The following CCNK variants were observed in gnomAD, a reference collection of about 807,000 sequenced individuals.
The protein encoded by CCNK is cyclin K, also known as cyclin-K.
A neutral mutation model predicts 65.0 loss-of-function variants in CCNK; 9 were observed. The ratio of observed to expected loss-of-function variants is 0.14; its 90% CI spans 0.08 to 0.24. CCNK has a LOEUF of 0.24. Among genes scored for constraint, CCNK ranks in the 10% least tolerant of loss-of-function variants. The pLI is 1.00. For missense variants in CCNK, 474 were observed against 720.0 expected, an observed-to-expected ratio of 0.66 and a Z score of 3.91; for synonymous variants, 279 against 270.8, an observed-to-expected ratio of 1.03 and a Z score of -0.30.
rs746022344 is a variant in CCNK at position 99,501,368 on chromosome 14, A to G, written c.530A>G (p.Lys177Arg). Residue 177 changes from lysine (K) to arginine (R), a missense_variant, in exon 6 of 11, where the codon AAA becomes AGA. Physicochemically the swap from Lys to Arg is conservative, Grantham distance 26. Around this residue, in one of 6 missense-constraint regions of CCNK, gnomAD observed 67 missense variants for 150.2 expected, o/e 0.45. Transcript: ENST00000389879. ...YAKQLKGDKN[K>R]IQKLVQMAWT... ...TCCCCATTTCTAGGTGATAAAAACAAAATTCAAAAGTTGGTTCAAATGGCA... is the reference window on the plus strand; with the variant it reads ...TCCCCATTTCTAGGTGATAAAAACAGAATTCAAAAGTTGGTTCAAATGGCA... The G allele has an allele frequency of 1.6e-5, 25 of 1,605,546 alleles. No homozygotes were observed. Among genetic ancestry groups the G allele is most frequent in the Non-Finnish European group, 2.1e-5 (25 of 1,174,042 alleles).
chr14:99,483,286 C>T (rs971503384), intron 1 of CCNK, among the ~76,000 whole-genome samples: 5 of 152,012 alleles, frequency 3.3e-5, no homozygotes, highest in African/African-American at 1.2e-4. Context: ...TGGTGGCTCA[C>T]GCTTATAATA....
At chr14:99,487,734 G>C (rs780717564) in intron 1 of CCNK, among the ~76,000 whole-genome samples, 1 of 152,188 alleles carries the variant, frequency 6.6e-6, no homozygotes, top group Non-Finnish European at 1.5e-5. Flanking sequence ...TGTTGGTACT[G>C]TTCTCTTTCT....
At position 99,510,324 on chromosome 14, in the gene CCNK, A is replaced by G; in HGVS notation, c.1285A>G (p.Met429Val). 1 of 1,056,796 alleles carries G rather than the reference A, an allele frequency of 9.5e-7. No homozygotes were observed. The highest frequency in any genetic ancestry group is 1.3e-6 in the Non-Finnish European group (1 of 775,546). The allele number at this position is 1,056,796 out of a possible 1,614,324, so 65.5% of individuals were successfully genotyped here. ...CCCGCCCCCACCCCCCTCCAGCTAC[A>G]TGACCGGGATGTCCACCACCAGCTC... ...RPPPPPPSSY[M>V]TGMSTTSSYM... Residue 429 changes from methionine (M) to valine (V), a missense_variant, in exon 11 of 11, where the codon ATG (methionine) becomes GTG (valine). This residue lies in a region of CCNK where 229 missense variants were observed against 275.5 expected (regional missense o/e 0.83). Transcript: ENST00000389879.
Position 99,510,975 on chromosome 14 carries a change from G to A in CCNK, c.*193G>A. On this transcript the variant is annotated 3_prime_UTR_variant, in exon 11 of 11. Coordinates refer to ENST00000389879, the MANE Select transcript of CCNK (RefSeq NM_001099402.2). ...AGGACGGGGACAACCAGCTTTCAGA[G>A]TAGCCTCATCAGTGCCCTTGCAGTC... 2.3e-6 allele frequency: 1 copy of A among 429,914 alleles called. No individual in the cohort carries two copies. The highest frequency in any genetic ancestry group is 3.7e-5 in the East Asian group (1 of 27,236). The allele number at this position is 429,914 out of a possible 1,614,324, so 26.6% of individuals were successfully genotyped here. A position where few individuals can be genotyped will look rare whatever the true frequency, so the allele number is the denominator to read the frequency against.
chr14:99,500,828 A>C lies in CCNK; in HGVS notation c.474A>C (p.Glu158Asp). ...LQTIKFDLQV[E>D]HPYQFLLKYA... ...CCATCAAGTTTGATTTACAGGTAGA[A>C]CATCCATACCAGTTCCTACTAAAAT... The change falls in exon 5 of 11, where the codon GAA becomes GAC. Residue 158 changes from glutamate (E) to aspartate (D), a missense_variant. Glu to Asp is a conservative substitution (Grantham distance 45, BLOSUM62 2). This residue lies in a region of CCNK where 67 missense variants were observed against 150.2 expected (regional missense o/e 0.45). Coordinates refer to ENST00000389879, the MANE Select transcript of CCNK (RefSeq NM_001099402.2). The C allele has an allele frequency of 6.4e-7, 1 of 1,566,002 alleles. No individual in the cohort carries two copies. The highest frequency in any genetic ancestry group is 8.7e-7 in the Non-Finnish European group (1 of 1,153,680).
At chr14:99,502,668 T>C in intron 7 of CCNK, 51 bp from the exon 8 acceptor site, 1 of 1,561,434 alleles carries the variant, frequency 6.4e-7, no homozygotes, top group Non-Finnish European at 8.8e-7. Flanking sequence ...CAGGTAAAAT[T>C]TTATTTAAAA....
At chr14:99,493,426 G>C in intron 2 of CCNK, 88 bp from the exon 3 acceptor site, 1 of 745,672 alleles carries the variant, frequency 1.3e-6, no homozygotes, top group Non-Finnish European at 2.2e-6. Context: ...TGATTTTGTT[G>C]TTGTTGTTTG....
chr14:99,496,506 C>G (rs1487511756), intron 4 of CCNK, among the ~76,000 whole-genome samples: 3 of 151,498 alleles, frequency 2.0e-5, no homozygotes, highest in Non-Finnish European at 2.9e-5. Flanking sequence ...GTCAGGAGAT[C>G]GAGACCATCC....
intron 10 of CCNK, chr14:99,507,384 C>T: frequency 3.9e-6 from 2 of 512,338 alleles, no homozygotes; most frequent in Non-Finnish European, 7.1e-6. Context: ...CGAGGTCAGC[C>T]TGGGCAACAA....
chr14:99,486,190 T>G (rs916223503), intron 1 of CCNK, among the ~76,000 whole-genome samples: 8 of 152,218 alleles, frequency 5.3e-5, no homozygotes, highest in Non-Finnish European at 2.9e-5. Flanking sequence ...CTACCATCTC[T>G]GGTTTAAAGC....
At position 99,489,302 on chromosome 14, in the gene CCNK, A is replaced by G. The variant is rs374224514; in HGVS notation, c.-52-3324A>G. Among the ~76,000 whole-genome samples, 7 of 152,142 alleles carry G rather than the reference A, an allele frequency of 4.6e-5. No homozygotes were observed. In the East Asian group the frequency reaches 1.3e-3, roughly 29 times the overall value. On this transcript the variant is annotated intron_variant, in intron 1 of 10. Transcript: ENST00000389879. The stretch of plus-strand genomic sequence containing the variant: ...TTACATATTTGCTTTATTCCACAAC[A>G]TGCAAAAAAAAATGTGTTTGAAAAT...
At chr14:99,493,269 G>A (rs1023325652) in intron 2 of CCNK, among the ~76,000 whole-genome samples, 3 of 151,332 alleles carry the variant, frequency 2.0e-5, no homozygotes, top group Admixed American at 6.6e-5. Flanking sequence ...CAGAGATGCT[G>A]TCTCAAAAAA....
intron 3 of CCNK, chr14:99,493,854 C>T: frequency 3.4e-6 from 1 of 298,164 alleles, no homozygotes; most frequent in Non-Finnish European, 6.2e-6. Flanking sequence ...GTACCTTTCC[C>T]AGCATAAATT....
intron 9 of CCNK, 102 bp from the exon 10 acceptor site, chr14:99,506,974 G>A (rs2139880437): frequency 1.2e-6 from 1 of 808,172 alleles, no homozygotes; most frequent in South Asian, 1.3e-5. Flanking sequence ...CATCTCTGTT[G>A]TTTTTCTCCC....
chr14:99,498,261 G>T (rs1384264038), intron 4 of CCNK, among the ~76,000 whole-genome samples: 1 of 152,190 alleles, frequency 6.6e-6, no homozygotes, highest in Non-Finnish European at 1.5e-5. Flanking sequence ...GAAAGTAGAA[G>T]TTCTGAAGCT....
intron 7 of CCNK, 67 bp downstream of exon 7, chr14:99,502,443 T>G (rs1896856283): frequency 6.4e-7 from 1 of 1,551,804 alleles, no homozygotes; most frequent in Non-Finnish European, 8.7e-7. Context: ...ATGTGTACCC[T>G]GAGTCCCAAG....
chr14:99,499,597 T>TG (rs1452002059), intron 4 of CCNK, among the ~76,000 whole-genome samples: 64 of 152,338 alleles, frequency 4.2e-4, no homozygotes, highest in African/African-American at 1.1e-3. Flanking sequence ...TTCTCTCAAA[T>TG]TGTCCTCCCC....
intron 1 of CCNK, among the ~76,000 whole-genome samples, chr14:99,485,256 G>A (rs542441182): frequency 7.2e-5 from 11 of 152,252 alleles, no homozygotes; most frequent in East Asian, 5.8e-4. Context: ...CGATTTATCC[G>A]CTTGTGGACC....
In CCNK at chr14:99,492,791, T is replaced by C; in HGVS notation, c.114T>C (p.Leu38=). 1 of 1,613,402 alleles carries C rather than the reference T, an allele frequency of 6.2e-7. No individual in the cohort carries two copies. Among genetic ancestry groups the C allele is most frequent in the Non-Finnish European group, 8.5e-7 (1 of 1,179,730 alleles). ...ACTTGGCTCATACACCCTCACAACT[T>C]GAAGGACTTGATCCAGCCACCGAGG... ...KKDLAHTPSQ[L]EGLDPATEAR... Residue 38 remains leucine (L), a synonymous_variant, in exon 2 of 11, where the codon CTT becomes CTC. Transcript: ENST00000389879.
Sources: allele counts gnomAD v4.1 joint callset (sites outside exome capture counted in the v4.1 genomes callset), GRCh38; gene constraint gnomAD v4.1.1; regional missense constraint gnomAD v4.1.1; transcripts MANE v1.5; gene names NCBI Gene and HGNC (gene_info 2026-07-23, HGNC 2026-07-21).